SH3BGRL2: variants seen among roughly 807,000 people sequenced by gnomAD.
SH3BGRL2 encodes the protein SH3 domain-binding glutamic acid-rich-like protein 2.
Under a neutral mutation model 14.8 loss-of-function variants are expected in SH3BGRL2, and 21 were observed. The observed-to-expected ratio is 1.42, with a 90% confidence interval of 1.01 to 2.05. SH3BGRL2 has a LOEUF of 2.05. Ranked by LOEUF, SH3BGRL2 falls within the 30% of genes most tolerant of loss-of-function variation. The pLI, the probability that SH3BGRL2 is intolerant of heterozygous loss-of-function variation, is 0.00. For missense variants in SH3BGRL2, 147 were observed against 130.8 expected, an observed-to-expected ratio of 1.12 and a Z score of -0.61; for synonymous variants, 50 against 47.8, an observed-to-expected ratio of 1.05 and a Z score of -0.19.
the SH3BGRL2 span, among the ~76,000 whole-genome samples, chr6:79,609,905 A>T: frequency 6.6e-6 from 1 of 152,208 alleles, no homozygotes; most frequent in African/African-American, 2.4e-5. Flanking sequence ...CTCATTTTTC[A>T]TGTATCCTAA....
At chr6:79,565,558 C>T in the SH3BGRL2 span, among the ~76,000 whole-genome samples, 76 of 152,108 alleles carry the variant, frequency 5.0e-4, 2 homozygotes, top group East Asian at 0.014. Context: ...TGCATACTTT[C>T]TCAGTAGAGA....
intron 1 of SH3BGRL2, among the ~76,000 whole-genome samples, chr6:79,650,273 T>C (rs1769260887): frequency 6.6e-6 from 1 of 152,006 alleles, no homozygotes; most frequent in Non-Finnish European, 1.5e-5. Flanking sequence ...TAGCATTGAA[T>C]CTCCAGCCAA....
At chr6:79,640,644 C>T (rs1769012253) in intron 1 of SH3BGRL2, among the ~76,000 whole-genome samples, 1 of 151,874 alleles carries the variant, frequency 6.6e-6, no homozygotes, top group South Asian at 2.1e-4. Context: ...CTGGAGCTGA[C>T]CCCTGAAGTG....
At position 79,637,019 on chromosome 6, in the gene SH3BGRL2, T is replaced by C. The variant is rs573377529; in HGVS notation, c.45+5513T>C. Among the ~76,000 whole-genome samples the C allele has an allele frequency of 2.0e-5, 3 of 152,258 alleles. No homozygotes were observed. The East Asian group carries it at 5.8e-4, about 29-fold the overall frequency. On this transcript the variant is annotated intron_variant, in intron 1 of 3. Coordinates refer to ENST00000369838, the MANE Select transcript of SH3BGRL2 (RefSeq NM_031469.4). ...ATAGCATGCAACATGAGGATTGAAA[T>C]AAAAAGACTAATTTATGGAGTTTTT...
At chr6:79,637,718 A>C (rs900483131) in intron 1 of SH3BGRL2, among the ~76,000 whole-genome samples, 2 of 152,122 alleles carry the variant, frequency 1.3e-5, no homozygotes, top group African/African-American at 2.4e-5. Flanking sequence ...AATGTATTTC[A>C]CTTACAATTA....
intron 1 of SH3BGRL2, among the ~76,000 whole-genome samples, chr6:79,659,798 G>C (rs1489598108): frequency 6.6e-6 from 1 of 152,008 alleles, no homozygotes; most frequent in Non-Finnish European, 1.5e-5. Context: ...ATTTGTTTCT[G>C]TCCTCTCTTA....
At position 79,702,317 on chromosome 6, in the gene SH3BGRL2, A is replaced by AT. The variant is rs566438888; in HGVS notation, c.*2812dup. On this transcript the variant is annotated 3_prime_UTR_variant, in exon 4 of 4. Transcript: ENST00000369838. ...CCAAAGCTTCTTTCTGTTGTGTTTG[A>AT]TTTTACTATAGGGGTTTTGCTTTTT... The AT allele has an allele frequency of 2.0e-3, 298 of 152,396 alleles. 1 individual carries two copies. The highest frequency in any genetic ancestry group is 6.3e-3 in the African/African-American group (262 of 41,450). 9.4% of individuals were successfully genotyped at this position (152,396 alleles called of 1,614,324 possible). A position where few individuals can be genotyped will look rare whatever the true frequency, so the allele number is the denominator to read the frequency against.
At chr6:79,677,917 G>A (rs1324871784) in intron 2 of SH3BGRL2, among the ~76,000 whole-genome samples, 2 of 152,162 alleles carry the variant, frequency 1.3e-5, no homozygotes. Flanking sequence ...TGTAGTGTCT[G>A]ATTTGGATTT....
At chr6:79,571,425 C>G in the SH3BGRL2 span, among the ~76,000 whole-genome samples, 21 of 152,162 alleles carry the variant, frequency 1.4e-4, no homozygotes, top group Non-Finnish European at 3.1e-4. Flanking sequence ...TTGTTTTGTT[C>G]TGCTTTGCTT....
chr6:79,654,601 C>T (rs544851721), intron 1 of SH3BGRL2, among the ~76,000 whole-genome samples: 6 of 152,242 alleles, frequency 3.9e-5, no homozygotes, highest in East Asian at 1.9e-4. Flanking sequence ...TTAAACCCAC[C>T]GAATAAATTT....
At chr6:79,602,528 A>T in the SH3BGRL2 span, among the ~76,000 whole-genome samples, 1 of 152,216 alleles carries the variant, frequency 6.6e-6, no homozygotes, top group African/African-American at 2.4e-5. Flanking sequence ...AAATTGGAAT[A>T]TAGGCTCCAG....
the SH3BGRL2 span, among the ~76,000 whole-genome samples, chr6:79,622,834 T>C: frequency 6.6e-6 from 1 of 152,212 alleles, no homozygotes; most frequent in Non-Finnish European, 1.5e-5. Context: ...TGCAAATTGC[T>C]GAAGAGAAGA....
upstream of SH3BGRL2, among the ~76,000 whole-genome samples, chr6:79,626,988 G>T (rs937205496): frequency 4.6e-5 from 7 of 152,158 alleles, no homozygotes; most frequent in African/African-American, 1.7e-4. Flanking sequence ...AACCACGGCA[G>T]ACTTGGATTC....
chr6:79,593,277 T>A, the SH3BGRL2 span, among the ~76,000 whole-genome samples: 1 of 152,186 alleles, frequency 6.6e-6, no homozygotes, highest in African/African-American at 2.4e-5. Context: ...AACTATCTTT[T>A]ATGGTACACT....
the SH3BGRL2 span, among the ~76,000 whole-genome samples, chr6:79,586,452 T>C: frequency 6.6e-6 from 1 of 152,116 alleles, no homozygotes; most frequent in African/African-American, 2.4e-5. Flanking sequence ...ATAAAACATA[T>C]AATTCATAAA....
the SH3BGRL2 span, among the ~76,000 whole-genome samples, chr6:79,586,901 C>G: frequency 6.3e-4 from 96 of 152,318 alleles, 1 homozygote; most frequent in Non-Finnish European, 7.5e-4. Context: ...CCAATAGTGT[C>G]TATAACTGCA....
the SH3BGRL2 span, among the ~76,000 whole-genome samples, chr6:79,584,103 T>G: frequency 6.6e-6 from 1 of 152,200 alleles, no homozygotes; most frequent in South Asian, 2.1e-4. Flanking sequence ...GAATTATGAT[T>G]TTATGGTCCT....
the SH3BGRL2 span, among the ~76,000 whole-genome samples, chr6:79,573,625 A>G: frequency 3.9e-4 from 59 of 152,302 alleles, no homozygotes; most frequent in African/African-American, 1.4e-3. Context: ...ATCCACATAC[A>G]TGATATATTA....
chr6:79,546,809 A>G, the SH3BGRL2 span, among the ~76,000 whole-genome samples: 27 of 151,320 alleles, frequency 1.8e-4, 1 homozygote, highest in Middle Eastern at 6.8e-3. Context: ...CCTCCCAAGT[A>G]GCTGGGATTA....
Sources: gnomAD v4.1 joint callset for allele counts (sites outside exome capture counted in the v4.1 genomes callset) on GRCh38, gnomAD v4.1.1 for gene constraint, MANE v1.5 for transcripts, NCBI Gene and HGNC (gene_info 2026-07-23, HGNC 2026-07-21) for gene names.